ARFIP1: variants seen among roughly 807,000 people sequenced by gnomAD.
ARFIP1 encodes ARF interacting protein 1.
ARFIP1 carries 24 observed loss-of-function variants against 42.5 expected under a neutral mutation model. The ratio of observed to expected loss-of-function variants is 0.57; its 90% CI spans 0.41 to 0.80. The LOEUF is 0.80. Ranked by LOEUF, ARFIP1 falls within the 30% of genes least tolerant of loss-of-function variation. The pLI is 0.00. For synonymous variants in ARFIP1, 141 were observed against 153.7 expected, an observed-to-expected ratio of 0.92 and a Z score of 0.61; for missense variants, 354 against 434.0, an observed-to-expected ratio of 0.82 and a Z score of 1.64.
chr4:152,788,027 A>G (rs577262705), intron 1 of ARFIP1, among the ~76,000 whole-genome samples: 1 of 152,122 alleles, frequency 6.6e-6, no homozygotes, highest in Non-Finnish European at 1.5e-5. Flanking sequence ...GGAGTTCAAG[A>G]CCAGCCTGGC....
At chr4:152,810,784 C>G (rs1387406634) in intron 1 of ARFIP1, among the ~76,000 whole-genome samples, 3 of 152,144 alleles carry the variant, frequency 2.0e-5, no homozygotes, top group Non-Finnish European at 4.4e-5. Context: ...CCACCGCACT[C>G]CAGCCTGGGC....
intron 3 of ARFIP1, among the ~76,000 whole-genome samples, chr4:152,868,065 A>G (rs1222047101): frequency 6.6e-6 from 1 of 152,230 alleles, no homozygotes; most frequent in African/African-American, 2.4e-5. Context: ...CTAAATGATA[A>G]ATTATGACTA....
At chr4:152,850,577 C>A (rs1732898754) in intron 2 of ARFIP1, 1 of 152,158 alleles carries the variant, frequency 6.6e-6, no homozygotes, top group Non-Finnish European at 1.5e-5. Flanking sequence ...TCAAAATAGA[C>A]TAAGGATCGC....
At chr4:152,822,866 T>C (rs2149840645) in intron 1 of ARFIP1, among the ~76,000 whole-genome samples, 1 of 152,244 alleles carries the variant, frequency 6.6e-6, no homozygotes, top group African/African-American at 2.4e-5. Context: ...CAGTGAATGA[T>C]AACAGTGAAA....
intron 2 of ARFIP1, among the ~76,000 whole-genome samples, chr4:152,844,571 C>A (rs950404397): frequency 2.0e-5 from 3 of 151,766 alleles, no homozygotes; most frequent in Admixed American, 2.0e-4. Flanking sequence ...TCTTGGTGGT[C>A]TCTCCTTATT....
intron 8 of ARFIP1, among the ~76,000 whole-genome samples, chr4:152,901,667 G>A (rs1737848297): frequency 6.6e-6 from 1 of 151,974 alleles, no homozygotes; most frequent in African/African-American, 2.4e-5. Flanking sequence ...TTTTGCTCCT[G>A]TTTTAAATCT....
At chr4:152,822,678 A>G (rs987730759) in intron 1 of ARFIP1, among the ~76,000 whole-genome samples, 2 of 152,242 alleles carry the variant, frequency 1.3e-5, no homozygotes, top group Non-Finnish European at 2.9e-5. Flanking sequence ...AACAAGTCTC[A>G]ATAATTTTTT....
intron 1 of ARFIP1, among the ~76,000 whole-genome samples, chr4:152,808,235 C>T (rs975175655): frequency 7.0e-6 from 1 of 142,510 alleles, no homozygotes; most frequent in Non-Finnish European, 1.5e-5. Context: ...CCACCTTGGC[C>T]TCCCAAAGTG....
chr4:152,907,477 G>T (rs1276249740), intron 8 of ARFIP1, among the ~76,000 whole-genome samples: 2 of 152,114 alleles, frequency 1.3e-5, no homozygotes, highest in Non-Finnish European at 2.9e-5. Context: ...AACATCCTTT[G>T]TGCTTTACCC....
At chr4:152,803,830 G>A (rs12504279) in intron 1 of ARFIP1, among the ~76,000 whole-genome samples, 57,408 of 150,420 alleles carry the variant, frequency 0.38, 11,974 homozygotes, top group Admixed American at 0.5. Context: ...GGAAGTGAAG[G>A]GTCAGAGTAA....
rs577638512 is a variant in ARFIP1, at chr4:152,899,965, G to A, written c.967-10099G>A. Reference sequence around the variant, plus strand: ...CTGGGATTCAAATCTAGATCTCTCCGACTCCACAGCCCTGCTTTTAGTTAA... The same window carrying A: ...CTGGGATTCAAATCTAGATCTCTCCAACTCCACAGCCCTGCTTTTAGTTAA... On this transcript the variant is annotated intron_variant, in intron 8 of 8. Transcript: ENST00000353617. Among the ~76,000 whole-genome samples the A allele has an allele frequency of 2.0e-5, 3 of 152,240 alleles. No homozygotes were observed. In the South Asian group the frequency reaches 6.2e-4, roughly 32 times the overall value.
At chr4:152,884,334 G>T (rs1319641580) in intron 7 of ARFIP1, among the ~76,000 whole-genome samples, 2 of 151,560 alleles carry the variant, frequency 1.3e-5, no homozygotes, top group African/African-American at 2.4e-5. Flanking sequence ...TTTTTCAAAG[G>T]GTTCATTATG....
intron 8 of ARFIP1, among the ~76,000 whole-genome samples, chr4:152,902,966 G>A (rs2149911026): frequency 6.6e-6 from 1 of 152,304 alleles, no homozygotes; most frequent in Admixed American, 6.5e-5. Flanking sequence ...TGCTTGTATA[G>A]TAACAGCATG....
intron 8 of ARFIP1, among the ~76,000 whole-genome samples, chr4:152,897,114 G>T (rs1042538276): frequency 6.6e-6 from 1 of 152,156 alleles, no homozygotes. Flanking sequence ...TCTCTCTTTA[G>T]AAATGAGGCA....
At chr4:152,849,499 G>A (rs1294388549) in intron 2 of ARFIP1, among the ~76,000 whole-genome samples, 1 of 152,030 alleles carries the variant, frequency 6.6e-6, no homozygotes, top group Non-Finnish European at 1.5e-5. Context: ...TTTCTTTGAT[G>A]CAAGTTGGTA....
At chr4:152,876,083 T>G (rs1735307121) in intron 5 of ARFIP1, among the ~76,000 whole-genome samples, 1 of 152,186 alleles carries the variant, frequency 6.6e-6, no homozygotes, top group Middle Eastern at 3.2e-3. Context: ...GGTCTGTCTT[T>G]ATCAGCAGTG....
intron 6 of ARFIP1, among the ~76,000 whole-genome samples, 163 bp from the exon 7 acceptor site, chr4:152,882,560 C>A (rs1735929848): frequency 6.6e-6 from 1 of 152,132 alleles, no homozygotes; most frequent in Admixed American, 6.6e-5. Context: ...AATTATATGG[C>A]TAGCTGTGAT....
At chr4:152,828,193 G>A (rs190419183) in intron 1 of ARFIP1, among the ~76,000 whole-genome samples, 1 of 152,260 alleles carries the variant, frequency 6.6e-6, no homozygotes, top group Non-Finnish European at 1.5e-5. Flanking sequence ...TTTTCTGTGG[G>A]TAAGTAAGTT....
At chr4:152,905,594 C>A in intron 8 of ARFIP1, among the ~76,000 whole-genome samples, 1 of 86,538 alleles carries the variant, frequency 1.2e-5, no homozygotes, top group Non-Finnish European at 2.1e-5. Context: ...ACTCTGTTGT[C>A]CAGGCTGGAG....
Sources: gnomAD v4.1 joint callset for allele counts (sites outside exome capture counted in the v4.1 genomes callset) on GRCh38, gnomAD v4.1.1 for gene constraint, MANE v1.5 for transcripts, NCBI Gene and HGNC (gene_info 2026-07-23, HGNC 2026-07-21) for gene names.